DAAM1: variants seen among roughly 807,000 people sequenced by gnomAD.
DAAM1 encodes disheveled-associated activator of morphogenesis 1.
DAAM1 carries 52 observed loss-of-function variants against 130.0 expected under a neutral mutation model. That is an observed-to-expected ratio of 0.40 (90% CI 0.32 to 0.50). The LOEUF (loss-of-function observed/expected upper bound fraction) is 0.50, where lower values mean the gene tolerates loss of function less well. DAAM1 is among the 20% of genes least tolerant of loss of function. DAAM1 has a pLI of 0.61. For synonymous variants in DAAM1, 452 were observed against 444.5 expected (o/e 1.02, Z -0.21); for missense variants, 1,134 against 1,303.8 (o/e 0.87, Z 2.01).
At chr14:59,350,371 A>G (rs565810648) in intron 17 of DAAM1, among the ~76,000 whole-genome samples, 36 of 152,040 alleles carry the variant, frequency 2.4e-4, no homozygotes, top group Admixed American at 7.9e-4. Flanking sequence ...ACACCCCTAC[A>G]TACAGCATCT....
At chr14:59,302,097 G>A (rs1035066151) in intron 3 of DAAM1, among the ~76,000 whole-genome samples, 1 of 152,174 alleles carries the variant, frequency 6.6e-6, no homozygotes, top group Non-Finnish European at 1.5e-5. Flanking sequence ...AGATGAACAG[G>A]TAGATATACT....
At chr14:59,199,411 A>T (rs1452227445) in intron 1 of DAAM1, among the ~76,000 whole-genome samples, 2 of 152,124 alleles carry the variant, frequency 1.3e-5, no homozygotes, top group African/African-American at 2.4e-5. Flanking sequence ...CACCACTTTA[A>T]ACTGGAGTCT....
In DAAM1 at chr14:59,291,273, G is replaced by GA. The variant is rs2139565220; in HGVS notation, c.246dup (p.Trp83MetfsTer6). The GA allele has an allele frequency of 1.9e-6, 3 of 1,611,252 alleles. No individual in the cohort carries two copies. The highest frequency in any genetic ancestry group is 2.5e-6 in the Non-Finnish European group (3 of 1,179,196). ...AAGCCATGTTTGCACTTCCAGCTGA[G>GA]AAAAAATGGCAAATATACTGTAGCA... On this transcript the variant is annotated frameshift_variant, in exon 3 of 25. Coordinates refer to ENST00000360909, the MANE Select transcript of DAAM1 (RefSeq NM_001270520.2). LOFTEE classifies it high-confidence loss of function.
At chr14:59,256,209 T>TATCA (rs1469016092) in intron 1 of DAAM1, among the ~76,000 whole-genome samples, 1 of 152,250 alleles carries the variant, frequency 6.6e-6, no homozygotes. Context: ...AAACTTTACT[T>TATCA]ATCACATATA....
intron 24 of DAAM1, 44 bp from the exon 25 acceptor site, chr14:59,368,606 A>G: frequency 6.4e-7 from 1 of 1,574,090 alleles, no homozygotes; most frequent in African/African-American, 1.4e-5. Flanking sequence ...ACAAAATGCA[A>G]CATTTTGACA....
At chr14:59,293,733 A>G (rs1238911557) in intron 3 of DAAM1, among the ~76,000 whole-genome samples, 1 of 152,232 alleles carries the variant, frequency 6.6e-6, no homozygotes, top group East Asian at 1.9e-4. Flanking sequence ...TTAAAACTCT[A>G]CTGTGCCTTT....
intron 1 of DAAM1, among the ~76,000 whole-genome samples, chr14:59,202,520 AT>A (rs11365776): frequency 0.19 from 28,657 of 152,188 alleles, 3,284 homozygotes; most frequent in Non-Finnish European, 0.25. Context: ...TTCATTTGCC[AT>A]TTAAAAAATG....
At chr14:59,354,035 C>A in intron 19 of DAAM1, 71 bp downstream of exon 19, 3 of 1,395,270 alleles carry the variant, frequency 2.2e-6, no homozygotes, top group Non-Finnish European at 3.0e-6. Context: ...AATCCAAGTG[C>A]ATATAGTAAA....
chr14:59,321,497 A>C (rs1019480431), intron 5 of DAAM1, among the ~76,000 whole-genome samples: 1 of 152,240 alleles, frequency 6.6e-6, no homozygotes, highest in African/African-American at 2.4e-5. Context: ...CTTTCTGGCA[A>C]CAGTGATTCA....
chr14:59,215,720 G>A (rs915634315), intron 1 of DAAM1, among the ~76,000 whole-genome samples: 8 of 152,192 alleles, frequency 5.3e-5, no homozygotes, highest in South Asian at 2.1e-4. Context: ...TGTGACAGCC[G>A]CGGGGAGTAG....
chr14:59,272,474 G>A (rs944686534), intron 2 of DAAM1, among the ~76,000 whole-genome samples: 1 of 152,080 alleles, frequency 6.6e-6, no homozygotes, highest in African/African-American at 2.4e-5. Flanking sequence ...TACTTAGGAG[G>A]CTGAGGCACG....
intron 1 of DAAM1, among the ~76,000 whole-genome samples, chr14:59,202,703 A>G (rs751042249): frequency 3.9e-5 from 6 of 152,180 alleles, no homozygotes; most frequent in Admixed American, 6.5e-5. Flanking sequence ...AGTTTCCCCA[A>G]TGAAATGCTC....
At chr14:59,296,190 TA>T (rs1883948423) in intron 3 of DAAM1, among the ~76,000 whole-genome samples, 1 of 152,234 alleles carries the variant, frequency 6.6e-6, no homozygotes, top group South Asian at 2.1e-4. Flanking sequence ...GGAAGCACAG[TA>T]GCTGCAGGAC....
At chr14:59,358,659 A>C (rs570097032) in intron 20 of DAAM1, among the ~76,000 whole-genome samples, 16 of 152,232 alleles carry the variant, frequency 1.1e-4, no homozygotes, top group African/African-American at 3.9e-4. Context: ...CCTGACCAAC[A>C]TGGTGAAACC....
intron 1 of DAAM1, among the ~76,000 whole-genome samples, chr14:59,222,616 C>T (rs1010140162): frequency 2.6e-5 from 4 of 152,110 alleles, no homozygotes; most frequent in East Asian, 1.9e-4. Flanking sequence ...AGCCACTGGG[C>T]GATGACAAGT....
At chr14:59,349,009 A>G (rs1886187620) in intron 17 of DAAM1, among the ~76,000 whole-genome samples, 1 of 152,228 alleles carries the variant, frequency 6.6e-6, no homozygotes, top group African/African-American at 2.4e-5. Context: ...TGAACGGTTT[A>G]AAAGTATCTC....
intron 1 of DAAM1, among the ~76,000 whole-genome samples, chr14:59,216,494 G>A (rs1324178544): frequency 6.6e-6 from 1 of 152,196 alleles, no homozygotes; most frequent in Non-Finnish European, 1.5e-5. Context: ...GCCGAGGCAG[G>A]TGAATCACTG....
chr14:59,313,766 A>G (rs890788491), intron 3 of DAAM1, among the ~76,000 whole-genome samples: 2 of 152,238 alleles, frequency 1.3e-5, no homozygotes, highest in African/African-American at 2.4e-5. Flanking sequence ...TACTACCACT[A>G]TAGCTATTTT....
chr14:59,290,642 C>A (rs1272592991), intron 2 of DAAM1, among the ~76,000 whole-genome samples: 1 of 152,212 alleles, frequency 6.6e-6, no homozygotes, highest in Non-Finnish European at 1.5e-5. Context: ...GCATTTAAAG[C>A]TTTCCGCTAT....
Sources: allele counts gnomAD v4.1 joint callset (sites outside exome capture counted in the v4.1 genomes callset), GRCh38; gene constraint gnomAD v4.1.1; transcripts MANE v1.5; gene names NCBI Gene and HGNC (gene_info 2026-07-23, HGNC 2026-07-21).